Variants in MTHFD1 observed in about 807,000 individuals in gnomAD.
MTHFD1 encodes methylenetetrahydrofolate dehydrogenase, cyclohydrolase and formyltetrahydrofolate synthetase 1, also known as C-1-tetrahydrofolate synthase, cytoplasmic.
In MTHFD1, 44 loss-of-function variants were observed where a neutral mutation model predicts 110.3. The observed-to-expected ratio is 0.40, with a 90% CI of 0.31 to 0.51. The LOEUF (loss-of-function observed/expected upper bound fraction) is 0.51. Ranked by LOEUF, MTHFD1 falls within the 20% of genes least tolerant of loss-of-function variation. The pLI is 0.60. For synonymous variants in MTHFD1, 402 were observed against 428.8 expected (o/e 0.94, Z 0.77); for missense variants, 909 against 1,173.1 (o/e 0.77, Z 3.29).
intron 26 of MTHFD1, among the ~76,000 whole-genome samples, chr14:64,457,788 G>C (rs1156325324): frequency 1.3e-5 from 2 of 152,108 alleles, no homozygotes; most frequent in East Asian, 3.9e-4. Context: ...AACAGGATCA[G>C]TGACTTGATT....
At chr14:64,438,581 T>C (rs2078224173) in intron 16 of MTHFD1, among the ~76,000 whole-genome samples, 1 of 152,182 alleles carries the variant, frequency 6.6e-6, no homozygotes, top group East Asian at 1.9e-4. Flanking sequence ...GGATAGATAT[T>C]CTGTCATCAG....
At chr14:64,421,710 G>A (rs1020052910) in intron 8 of MTHFD1, among the ~76,000 whole-genome samples, 5 of 151,238 alleles carry the variant, frequency 3.3e-5, no homozygotes, top group Admixed American at 1.3e-4. Flanking sequence ...TGCAAGCTCC[G>A]CCTTGCGGGT....
chr14:64,400,797 A>T lies in MTHFD1; in HGVS notation c.46A>T (p.Ile16Leu). 1 of 1,613,014 alleles carries T rather than the reference A, an allele frequency of 6.2e-7. No individual in the cohort carries two copies. The highest frequency in any genetic ancestry group is 1.1e-5 in the South Asian group (1 of 90,918). Reference protein sequence around the residue: ...ILNGKEISAQIRARLKNQVTQ... With the variant: ...ILNGKEISAQLRARLKNQVTQ... ...CACCCTTTCCTTTTTCTCTAGGCAA[A>T]TAAGGGCGAGACTGAAAAATCAAGT... is the stretch of plus-strand genomic sequence containing the variant. Residue 16 changes from isoleucine (I) to leucine (L), a missense_variant, in exon 2 of 28, where the codon ATA becomes TTA. By Grantham distance (5) the Ile-to-Leu change is conservative (BLOSUM62 2). Coordinates refer to ENST00000652337, the MANE Select transcript of MTHFD1 (RefSeq NM_005956.4).
At chr14:64,415,824 T>A in intron 6 of MTHFD1, 85 bp downstream of exon 6, 1 of 1,341,070 alleles carries the variant, frequency 7.5e-7, no homozygotes, top group South Asian at 1.2e-5. Flanking sequence ...AGGTACATTG[T>A]GGGCCATAAA....
At chr14:64,452,429 C>G (rs1295788275) in intron 24 of MTHFD1, among the ~76,000 whole-genome samples, 1 of 152,212 alleles carries the variant, frequency 6.6e-6, no homozygotes. Flanking sequence ...TTTAGGCAAC[C>G]TCTCCGTATG....
At chr14:64,447,014 A>AT (rs756076441) in intron 22 of MTHFD1, among the ~76,000 whole-genome samples, 27 of 151,890 alleles carry the variant, frequency 1.8e-4, no homozygotes, top group Non-Finnish European at 3.2e-4. Context: ...TAATTTTTTA[A>AT]TTTTTTGTAG....
chr14:64,430,100 C>A, intron 12 of MTHFD1, 84 bp from the exon 13 acceptor site: 3 of 1,148,794 alleles, frequency 2.6e-6, no homozygotes, highest in South Asian at 2.4e-5. Flanking sequence ...TTAGTAGTTA[C>A]AATAATGCAT....
At chr14:64,403,874 G>C (rs894728357) in intron 2 of MTHFD1, among the ~76,000 whole-genome samples, 1 of 152,120 alleles carries the variant, frequency 6.6e-6, no homozygotes, top group Non-Finnish European at 1.5e-5. Context: ...AATTAATAAT[G>C]TATATTTCTT....
chr14:64,411,302 A>C (rs989655997), intron 3 of MTHFD1, among the ~76,000 whole-genome samples, 153 bp downstream of exon 3: 7 of 152,220 alleles, frequency 4.6e-5, no homozygotes, highest in African/African-American at 1.7e-4. Flanking sequence ...TGGGTGGGTT[A>C]GATCTGTGGC....
chr14:64,399,815 G>A (rs111927404), intron 1 of MTHFD1, among the ~76,000 whole-genome samples: 2,182 of 151,842 alleles, frequency 0.014, 54 homozygotes, highest in African/African-American at 0.05. Context: ...TTGCTCTATC[G>A]TCCAGGCTGG....
rs558552680 is a variant in MTHFD1, at chr14:64,435,749, G to T, written c.1597+78G>T. ...CACCCTCCAGAAGAGTTGTTAAAAT[G>T]TGAGGCTCAGAAGCTTCCATGTTGG... On this transcript the variant is annotated intron_variant, in intron 16 of 27. Transcript: ENST00000652337. 3.4e-6 allele frequency: 3 copies of T among 872,834 alleles called. No individual in the cohort carries two copies. The African/African-American group carries it at 5.0e-5, about 14-fold the overall frequency. 54.1% of individuals were successfully genotyped at this position (872,834 alleles called of 1,614,324 possible). A position where few individuals can be genotyped will look rare whatever the true frequency, so the allele number is the denominator to read the frequency against.
chr14:64,431,202 A>G (rs975933287), intron 13 of MTHFD1, among the ~76,000 whole-genome samples: 4 of 150,972 alleles, frequency 2.6e-5, no homozygotes, highest in African/African-American at 4.9e-5. Context: ...AGTAGCTGGG[A>G]TTACAGGTGC....
In MTHFD1 at chr14:64,431,772, T is replaced by C; in HGVS notation, c.1420-15T>C. On this transcript the variant is annotated splice_polypyrimidine_tract_variant and intron_variant, in intron 14 of 27. Coordinates refer to ENST00000652337, the MANE Select transcript of MTHFD1 (RefSeq NM_005956.4). ...GGGGCTCCTCTCATTTTAAAGCCCC[T>C]TTCTTTTCTTTAAGGCTCTCTTTAA... is the stretch of plus-strand genomic sequence containing the variant. 6.2e-7 allele frequency: 1 copy of C among 1,613,454 alleles called. No individual in the cohort carries two copies. The highest frequency in any genetic ancestry group is 8.5e-7 in the Non-Finnish European group (1 of 1,179,336).
chr14:64,427,880 G>A (rs1371904547), intron 12 of MTHFD1, among the ~76,000 whole-genome samples: 3 of 152,250 alleles, frequency 2.0e-5, no homozygotes, highest in East Asian at 3.9e-4. Context: ...CTTTGTGCCA[G>A]ATATTGTGCT....
chr14:64,436,285 A>G (rs1005284893), intron 16 of MTHFD1, among the ~76,000 whole-genome samples: 12 of 152,136 alleles, frequency 7.9e-5, no homozygotes, highest in Admixed American at 2.0e-4. Flanking sequence ...TAGTAGAGAC[A>G]GGGTTTCACC....
intron 24 of MTHFD1, among the ~76,000 whole-genome samples, chr14:64,451,202 T>G (rs1330030776): frequency 6.6e-6 from 1 of 152,116 alleles, no homozygotes; most frequent in African/African-American, 2.4e-5. Flanking sequence ...TTATTTTTCT[T>G]GTAGTGACTG....
At chr14:64,425,210 CTT>C (rs60509639) in intron 9 of MTHFD1, among the ~76,000 whole-genome samples, 10 of 128,734 alleles carry the variant, frequency 7.8e-5, no homozygotes, top group East Asian at 2.3e-4. Context: ...CCTTCCCTTT[CTT>C]TTTTTTTTTT....
intron 12 of MTHFD1, among the ~76,000 whole-genome samples, chr14:64,427,932 G>A (rs2078130379): frequency 6.6e-6 from 1 of 152,104 alleles, no homozygotes; most frequent in Non-Finnish European, 1.5e-5. Context: ...GTACGAGATA[G>A]TATTGTCACC....
intron 11 of MTHFD1, among the ~76,000 whole-genome samples, chr14:64,426,591 C>A (rs113504491): frequency 0.061 from 9,346 of 152,232 alleles, 509 homozygotes; most frequent in African/African-American, 0.16. Flanking sequence ...CTGCCTCAGC[C>A]TCCCGAGTAG....
Sources: gnomAD v4.1 joint callset for allele counts (sites outside exome capture counted in the v4.1 genomes callset) on GRCh38, gnomAD v4.1.1 for gene constraint, MANE v1.5 for transcripts, NCBI Gene and HGNC (gene_info 2026-07-23, HGNC 2026-07-21) for gene names.